The following SYN3 variants were observed in gnomAD, a reference collection of about 807,000 sequenced individuals.
SYN3 encodes the protein synapsin-3.
SYN3 carries 35 observed loss-of-function variants against 65.8 expected under a neutral mutation model. That is an observed-to-expected ratio of 0.53 (90% CI 0.41 to 0.70). The LOEUF is 0.70. Among genes scored for constraint, SYN3 ranks in the 30% least tolerant of loss-of-function variants. The probability of loss-of-function intolerance (pLI) is 0.00; values close to 1 mark genes in which losing one functional copy is unlikely to be tolerated. For missense variants in SYN3, 680 were observed against 749.0 expected (o/e 0.91, Z 1.08); for synonymous variants, 270 against 292.9 (o/e 0.92, Z 0.80).
At chr22:33,003,269 C>T (rs1285593010) in intron 2 of SYN3, among the ~76,000 whole-genome samples, 1 of 152,122 alleles carries the variant, frequency 6.6e-6, no homozygotes. Flanking sequence ...GACTTTGGAA[C>T]TGGATGACAG....
chr22:32,520,308 T>C (rs2057857067), intron 12 of SYN3, among the ~76,000 whole-genome samples: 2 of 148,088 alleles, frequency 1.4e-5, no homozygotes, highest in African/African-American at 2.5e-5. Flanking sequence ...CTTTCTGCCT[T>C]TTTTTTTTTG....
chr22:32,652,186 C>A (rs1279024625), intron 6 of SYN3, among the ~76,000 whole-genome samples: 3 of 152,086 alleles, frequency 2.0e-5, no homozygotes, highest in African/African-American at 7.2e-5. Context: ...CCAACTTCTG[C>A]CATCTCCTCC....
intron 6 of SYN3, among the ~76,000 whole-genome samples, chr22:32,667,546 T>A (rs2740983): frequency 0.33 from 50,578 of 152,064 alleles, 11,432 homozygotes; most frequent in East Asian, 0.73. Flanking sequence ...TTTGGGTAGG[T>A]CAAGTTCCTT....
intron 2 of SYN3, among the ~76,000 whole-genome samples, chr22:32,989,835 CA>C (rs112695934): frequency 2.2e-3 from 196 of 88,168 alleles, no homozygotes; most frequent in Admixed American, 5.0e-3. Flanking sequence ...ACTCCATCTT[CA>C]AAAAAAAAAA....
At chr22:32,960,480 T>C (rs567020646) in intron 3 of SYN3, among the ~76,000 whole-genome samples, 1 of 152,270 alleles carries the variant, frequency 6.6e-6, no homozygotes, top group African/African-American at 2.4e-5. Flanking sequence ...CGAACAATCA[T>C]GGTGCTCCCC....
chr22:32,594,889 C>T (rs574412233), intron 7 of SYN3, among the ~76,000 whole-genome samples: 45 of 152,268 alleles, frequency 3.0e-4, no homozygotes, highest in Non-Finnish European at 4.7e-4. Context: ...GAATTATTCA[C>T]GTCTGGGTGG....
intron 1 of SYN3, among the ~76,000 whole-genome samples, chr22:33,053,234 C>T (rs977118793): frequency 2.0e-5 from 3 of 152,132 alleles, no homozygotes; most frequent in South Asian, 4.1e-4. Flanking sequence ...ACCAGCCTGA[C>T]CAACATGGTG....
intron 6 of SYN3, among the ~76,000 whole-genome samples, chr22:32,699,598 A>T (rs1203977188): frequency 7.5e-3 from 1 of 134 alleles, no homozygotes; most frequent in Non-Finnish European, 0.014. Flanking sequence ...ACCAAGTCAC[A>T]TTGCTCTCGG....
At chr22:32,893,915 C>T (rs1238513108) in intron 4 of SYN3, among the ~76,000 whole-genome samples, 1 of 152,074 alleles carries the variant, frequency 6.6e-6, no homozygotes, top group East Asian at 1.9e-4. Flanking sequence ...ACTTGGTTTT[C>T]CACCAAGCTG....
At chr22:32,690,377 T>G (rs1183387610) in intron 6 of SYN3, among the ~76,000 whole-genome samples, 2 of 152,172 alleles carry the variant, frequency 1.3e-5, no homozygotes, top group African/African-American at 4.8e-5. Flanking sequence ...ATTTTTGTGA[T>G]AGCAGCAGAA....
chr22:32,897,481 A>G (rs924734646), intron 4 of SYN3, among the ~76,000 whole-genome samples: 8 of 152,186 alleles, frequency 5.3e-5, no homozygotes, highest in African/African-American at 1.9e-4. Flanking sequence ...ATGGGCAGGC[A>G]CTGTAAATCT....
At chr22:32,527,716 TTAA>T (rs1461125161) in intron 12 of SYN3, 199 bp downstream of exon 12, 1 of 557,864 alleles carries the variant, frequency 1.8e-6, no homozygotes, top group Non-Finnish European at 3.2e-6. Context: ...TATTAGGTTC[TTAA>T]TAAATTAACC....
At chr22:32,558,352 G>A (rs978947197) in intron 7 of SYN3, among the ~76,000 whole-genome samples, 2 of 152,244 alleles carry the variant, frequency 1.3e-5, no homozygotes, top group Admixed American at 6.5e-5. Context: ...GAGCCTCTTG[G>A]CAATCTTGGG....
intron 6 of SYN3, among the ~76,000 whole-genome samples, chr22:32,668,360 C>T (rs1467223533): frequency 6.7e-6 from 1 of 148,656 alleles, no homozygotes; most frequent in Non-Finnish European, 1.5e-5. Context: ...TCATTTCCAC[C>T]CCCCCTTCCT....
chr22:32,941,677 G>A (rs942739626), intron 3 of SYN3, among the ~76,000 whole-genome samples: 1 of 152,182 alleles, frequency 6.6e-6, no homozygotes, highest in Non-Finnish European at 1.5e-5. Context: ...AGCGCAAGGG[G>A]TAAGGGAATT....
At chr22:32,587,282 T>C (rs1289384287) in intron 7 of SYN3, among the ~76,000 whole-genome samples, 1 of 140,272 alleles carries the variant, frequency 7.1e-6, no homozygotes, top group Non-Finnish European at 1.5e-5. Context: ...CCAGTGGCCA[T>C]CAAAAGGGAG....
chr22:32,645,450 T>TG (rs1569120179), intron 6 of SYN3, among the ~76,000 whole-genome samples: 1 of 111,738 alleles, frequency 8.9e-6, no homozygotes, highest in Non-Finnish European at 1.8e-5. Context: ...AAACTCCGTC[T>TG]GAAAAAAAAA....
At chr22:32,871,112 C>T (rs2048839052) in intron 4 of SYN3, among the ~76,000 whole-genome samples, 1 of 152,242 alleles carries the variant, frequency 6.6e-6, no homozygotes, top group Non-Finnish European at 1.5e-5. Flanking sequence ...CTAAGAATAA[C>T]CCCATCCTTC....
intron 5 of SYN3, among the ~76,000 whole-genome samples, chr22:32,866,289 A>C (rs1179744708): frequency 6.6e-6 from 1 of 152,124 alleles, no homozygotes; most frequent in African/African-American, 2.4e-5. Context: ...TTCTGCATCC[A>C]CCCAAGATTG....
Sources: gnomAD v4.1 joint callset for allele counts (sites outside exome capture counted in the v4.1 genomes callset) on GRCh38, gnomAD v4.1.1 for gene constraint, MANE v1.5 for transcripts, NCBI Gene and HGNC (gene_info 2026-07-23, HGNC 2026-07-21) for gene names.